The following RAB23 variants were observed in gnomAD, a reference collection of about 807,000 sequenced individuals.
RAB23 encodes the protein RAB23, member RAS oncogene family.
RAB23 carries 15 observed loss-of-function variants against 30.0 expected under a neutral mutation model. The observed-to-expected ratio is 0.50, with a 90% CI of 0.33 to 0.77. The LOEUF is 0.77. Ranked by LOEUF, RAB23 falls within the 30% of genes least tolerant of loss-of-function variation. The pLI, the probability that RAB23 is intolerant of heterozygous loss-of-function variation, is 0.02. For missense variants in RAB23, 243 were observed against 275.4 expected (o/e 0.88, Z 0.83); for synonymous variants, 93 against 94.0 (o/e 0.99, Z 0.06).
chr6:57,212,801 T>C lies in RAB23; in HGVS notation c.-65-2356A>G, dbSNP rs150885434. ...ACTCGGGAAGCTAAGGCAGGATTGT[T>C]TGAGCCCAGGAGTTCAAGGCCGCAG... On this transcript the variant is annotated intron_variant, in intron 1 of 6. Transcript: ENST00000468148. 3.1e-3 allele frequency among the ~76,000 whole-genome samples: 478 copies of C among 152,070 alleles called. 4 individuals are homozygous for C. The highest frequency in any genetic ancestry group is 7.7e-3 in the Admixed American group (118 of 15,272).
Position 57,210,341 on chromosome 6 carries a change from C to T in RAB23, c.40G>A (p.Val14Ile). 1 of 1,614,092 alleles carries T rather than the reference C, an allele frequency of 6.2e-7. No homozygotes were observed. ...EDMEVAIKMV[V>I]VGNGAVGKSS... is the part of the protein sequence containing the mutation. ...TTTCCAACTGCTCCATTCCCTACAACCACCATCTTTATGGCGACTTCCATA... is the reference window on the plus strand; with the variant it reads ...TTTCCAACTGCTCCATTCCCTACAATCACCATCTTTATGGCGACTTCCATA... The change falls in exon 2 of 7, where the codon GTT becomes ATT. Residue 14 changes from valine (V) to isoleucine (I), a missense_variant. Transcript: ENST00000468148.
chr6:57,198,255 A>G (rs1255153527), intron 3 of RAB23, among the ~76,000 whole-genome samples: 1 of 152,082 alleles, frequency 6.6e-6, no homozygotes, highest in Non-Finnish European at 1.5e-5. Context: ...AACTACAAAT[A>G]AAAAAAATTA....
At chr6:57,216,116 T>C (rs1377140879) in intron 1 of RAB23, among the ~76,000 whole-genome samples, 2 of 152,238 alleles carry the variant, frequency 1.3e-5, no homozygotes, top group Non-Finnish European at 2.9e-5. Context: ...GTGTTACAAG[T>C]ACCTACAGTA....
intron 3 of RAB23, among the ~76,000 whole-genome samples, chr6:57,203,203 AC>A (rs1765334637): frequency 6.6e-6 from 1 of 151,898 alleles, no homozygotes; most frequent in African/African-American, 2.4e-5. Flanking sequence ...ACGTGGTTTC[AC>A]CATATTGGCC....
At position 57,207,678 on chromosome 6, in the gene RAB23, T is replaced by G. The variant is rs1384951730; in HGVS notation, c.191A>C (p.Asp64Ala). Residue 64 changes from aspartate (D) to alanine (A), a missense_variant, in exon 3 of 7, where the codon GAC (aspartate) becomes GCC (alanine). Coordinates refer to ENST00000468148, the MANE Select transcript of RAB23 (RefSeq NM_016277.5). ...NDEDVRLMLW[D>A]TAGQEEFDAI... ...ATCAAATTCCTCCTGACCTGCAGTG[T>G]CCCATAACATTAGTCTGACATCTTC... 1 of 1,605,282 alleles carries G rather than the reference T, an allele frequency of 6.2e-7. No individual in the cohort carries two copies. Among genetic ancestry groups the G allele is most frequent in the South Asian group, 1.1e-5 (1 of 90,820 alleles).
At chr6:57,212,819 G>A (rs1349887264) in intron 1 of RAB23, among the ~76,000 whole-genome samples, 1 of 152,078 alleles carries the variant, frequency 6.6e-6, no homozygotes, top group East Asian at 1.9e-4. Context: ...AGGAGTTCAA[G>A]GCCGCAGTGA....
In RAB23 at chr6:57,194,870, A is replaced by G; in HGVS notation, c.399-18T>C. 1 of 1,603,036 alleles carries G rather than the reference A, an allele frequency of 6.2e-7. No homozygotes were observed. The highest frequency in any genetic ancestry group is 8.5e-7 in the Non-Finnish European group (1 of 1,170,420). On this transcript the variant is annotated intron_variant, in intron 4 of 6. Coordinates refer to ENST00000468148, the MANE Select transcript of RAB23 (RefSeq NM_016277.5). ...CTTCCTCACTGCACATCAATTTAAA[A>G]AAAAATGCTTTACAAAGGTGCCTTC...
intron 6 of RAB23, among the ~76,000 whole-genome samples, chr6:57,191,883 T>C (rs1764854827): frequency 6.6e-6 from 1 of 152,164 alleles, no homozygotes; most frequent in Non-Finnish European, 1.5e-5. Context: ...GGTCTTGCTC[T>C]GTCACCAGGC....
At chr6:57,194,710 T>C in intron 5 of RAB23, 60 bp downstream of exon 5, 1 of 1,257,868 alleles carries the variant, frequency 7.9e-7, no homozygotes, top group Non-Finnish European at 1.1e-6. Flanking sequence ...AACAACACAA[T>C]TTTAAAAGCG....
At position 57,221,972 on chromosome 6, in the gene RAB23, G is replaced by A. The variant is rs1766079639; in HGVS notation, c.-312C>T. The A allele has an allele frequency of 6.6e-6, 1 of 152,368 alleles. No individual in the cohort carries two copies. The highest frequency in any genetic ancestry group is 1.5e-5 in the Non-Finnish European group (1 of 68,190). The allele number at this position is 152,368 out of a possible 1,614,324, so 9.4% of individuals were successfully genotyped here. ...GCCGGACGAACCCCCAGCCCCTGGA[G>A]AGGGCGAGTGAGTGCAGCGCCGCTG... is the stretch of plus-strand genomic sequence containing the variant. On this transcript the variant is annotated 5_prime_UTR_variant, in exon 1 of 7. Coordinates refer to ENST00000468148, the MANE Select transcript of RAB23 (RefSeq NM_016277.5).
intron 6 of RAB23, 75 bp downstream of exon 6, chr6:57,193,767 G>C: frequency 6.5e-7 from 1 of 1,535,028 alleles, no homozygotes; most frequent in South Asian, 1.2e-5. Context: ...TCACATTTCT[G>C]AAAGAAATGA....
Position 57,200,770 on chromosome 6 carries a change from T to G in RAB23, c.242-4164A>C, listed in dbSNP as rs578257152. ...TGATTCAAGCCTGAGAAAAATGCAA[T>G]GGGTGAGAGTGAGAGTGAAAAATCA... is the stretch of plus-strand genomic sequence containing the variant. On this transcript the variant is annotated intron_variant, in intron 3 of 6. Coordinates refer to ENST00000468148, the MANE Select transcript of RAB23 (RefSeq NM_016277.5). Among the ~76,000 whole-genome samples the G allele has an allele frequency of 4.0e-4, 61 of 151,678 alleles. 1 individual carries two copies. In the South Asian group the frequency reaches 7.5e-3, roughly 19 times the overall value.
intron 3 of RAB23, among the ~76,000 whole-genome samples, chr6:57,206,350 C>T (rs1481656661): frequency 6.6e-6 from 1 of 151,924 alleles, no homozygotes; most frequent in Non-Finnish European, 1.5e-5. Context: ...AGTTAGCAAG[C>T]CACAAGCCAC....
intron 1 of RAB23, among the ~76,000 whole-genome samples, chr6:57,211,000 T>G (rs970486517): frequency 5.9e-5 from 9 of 152,240 alleles, no homozygotes; most frequent in African/African-American, 2.2e-4. Context: ...TGACATGTGA[T>G]AGGTCACAGT....
chr6:57,197,689 A>G (rs1765074282), intron 3 of RAB23, among the ~76,000 whole-genome samples: 1 of 152,158 alleles, frequency 6.6e-6, no homozygotes, highest in Admixed American at 6.5e-5. Flanking sequence ...TATTACTGTA[A>G]AAACAGAAGG....
Position 57,187,556 on chromosome 6 carries a change from G to A in RAB23, c.*2905C>T, listed in dbSNP as rs1764649394. On this transcript the variant is annotated 3_prime_UTR_variant, in exon 7 of 7. Transcript: ENST00000468148. ...AGAAACAGACTAATGATAGATTAAT[G>A]GGAACATTTTATCAGGTTAGCAGTA... 1 of 152,086 alleles carries A rather than the reference G, an allele frequency of 6.6e-6. No homozygotes were observed. Among genetic ancestry groups the A allele is most frequent in the South Asian group, 2.1e-4 (1 of 4,824 alleles). 9.4% of individuals were successfully genotyped at this position (152,086 alleles called of 1,614,324 possible).
chr6:57,219,081 AC>A (rs1214684805), intron 1 of RAB23, among the ~76,000 whole-genome samples: 2 of 152,140 alleles, frequency 1.3e-5, no homozygotes, highest in African/African-American at 4.8e-5. Flanking sequence ...CTGTAGAAAA[AC>A]CCATGGAATC....
rs1271436393 is a variant in RAB23 at position 57,188,997 on chromosome 6, A to G, written c.*1464T>C. 1 of 152,170 alleles carries G rather than the reference A, an allele frequency of 6.6e-6. No individual in the cohort carries two copies. Among genetic ancestry groups the G allele is most frequent in the Non-Finnish European group, 1.5e-5 (1 of 68,040 alleles). 9.4% of individuals were successfully genotyped at this position (152,170 alleles called of 1,614,324 possible). A position where few individuals can be genotyped will look rare whatever the true frequency, so the allele number is the denominator to read the frequency against. On this transcript the variant is annotated 3_prime_UTR_variant, in exon 7 of 7. Coordinates refer to ENST00000468148, the MANE Select transcript of RAB23 (RefSeq NM_016277.5). ...AAAAATGACTTCATGACATTTTCCA[A>G]TAAAAGTTATTTTTACAGATTTTGC...
At position 57,194,642 on chromosome 6, in the gene RAB23, A is replaced by T. The variant is rs886271679; in HGVS notation, c.481+128T>A. ...ACAAAAAGAAGTAGAAAGCCTTTAAATTCTACTTAATGTTAGGTGACAAAA... is the reference window on the plus strand; with the variant it reads ...ACAAAAAGAAGTAGAAAGCCTTTAATTTCTACTTAATGTTAGGTGACAAAA... On this transcript the variant is annotated intron_variant, in intron 5 of 6. Transcript: ENST00000468148. The T allele has an allele frequency of 1.0e-5, 7 of 668,452 alleles. No individual in the cohort carries two copies. The African/African-American group carries it at 1.1e-4, about 10-fold the overall frequency. 41.4% of individuals were successfully genotyped at this position (668,452 alleles called of 1,614,324 possible).
Sources: gnomAD v4.1 joint callset for allele counts (sites outside exome capture counted in the v4.1 genomes callset) on GRCh38, gnomAD v4.1.1 for gene constraint, MANE v1.5 for transcripts, NCBI Gene and HGNC (gene_info 2026-07-23, HGNC 2026-07-21) for gene names.